KCTD8: variants seen among roughly 807,000 people sequenced by gnomAD.
KCTD8 encodes BTB/POZ domain-containing protein KCTD8.
In KCTD8, 27 loss-of-function variants were observed where a neutral mutation model predicts 31.5. That is an observed-to-expected ratio of 0.86 (90% CI 0.63 to 1.18). The LOEUF is 1.18. Among genes scored for constraint, KCTD8 ranks in the 50% most tolerant of loss-of-function variants. The pLI is 0.00. For synonymous variants in KCTD8, 290 were observed against 280.0 expected, an observed-to-expected ratio of 1.04 and a Z score of -0.36; for missense variants, 658 against 647.7, an observed-to-expected ratio of 1.02 and a Z score of -0.17.
intron 1 of KCTD8, among the ~76,000 whole-genome samples, chr4:44,381,723 T>C (rs1421714402): frequency 1.3e-5 from 2 of 151,362 alleles, no homozygotes; most frequent in Non-Finnish European, 3.0e-5. Flanking sequence ...GAGTTCTCAC[T>C]CTGAGATCTG....
intron 1 of KCTD8, among the ~76,000 whole-genome samples, chr4:44,290,525 C>A (rs1000736866): frequency 6.6e-6 from 1 of 152,164 alleles, no homozygotes; most frequent in African/African-American, 2.4e-5. Context: ...CTCATCTGCA[C>A]CCAGAACATG....
intron 1 of KCTD8, among the ~76,000 whole-genome samples, chr4:44,411,162 A>T (rs1350490233): frequency 6.6e-6 from 1 of 152,062 alleles, no homozygotes; most frequent in Non-Finnish European, 1.5e-5. Context: ...AAACTTAGAG[A>T]AACACTTGGA....
intron 1 of KCTD8, among the ~76,000 whole-genome samples, chr4:44,385,710 CA>C (rs1409691630): frequency 6.6e-6 from 1 of 151,524 alleles, no homozygotes; most frequent in Non-Finnish European, 1.5e-5. Context: ...ATTATTATAT[CA>C]AAGTTAAATA....
At chr4:44,420,041 T>C (rs1185839013) in intron 1 of KCTD8, among the ~76,000 whole-genome samples, 24 of 151,434 alleles carry the variant, frequency 1.6e-4, no homozygotes, top group Admixed American at 1.6e-3. Context: ...CCAAGACATC[T>C]CAGAAAACAA....
intron 1 of KCTD8, among the ~76,000 whole-genome samples, chr4:44,191,328 CAT>C (rs1315903504): frequency 2.6e-5 from 4 of 152,134 alleles, no homozygotes; most frequent in South Asian, 2.1e-4. Flanking sequence ...GATTGTAAAA[CAT>C]GTGTGTTTGA....
chr4:44,339,831 T>C (rs1156514371), intron 1 of KCTD8, among the ~76,000 whole-genome samples: 2 of 152,154 alleles, frequency 1.3e-5, no homozygotes, highest in African/African-American at 4.8e-5. Context: ...AAAAATATAT[T>C]TCAGATAATT....
intron 1 of KCTD8, among the ~76,000 whole-genome samples, chr4:44,409,573 A>C (rs576504650): frequency 1.3e-5 from 2 of 152,280 alleles, no homozygotes; most frequent in East Asian, 3.9e-4. Flanking sequence ...GGAGCTTGGG[A>C]GATACCTGTG....
intron 1 of KCTD8, among the ~76,000 whole-genome samples, chr4:44,213,322 T>C (rs1189487027): frequency 6.6e-6 from 1 of 152,200 alleles, no homozygotes; most frequent in African/African-American, 2.4e-5. Flanking sequence ...ACAAAGTTTG[T>C]TTTTATTCTT....
At chr4:44,417,528 A>G (rs1253417302) in intron 1 of KCTD8, among the ~76,000 whole-genome samples, 1 of 25,714 alleles carries the variant, frequency 3.9e-5, no homozygotes, top group Non-Finnish European at 9.9e-5. Context: ...TTATACAACT[A>G]TTTAAAGAAA....
intron 1 of KCTD8, among the ~76,000 whole-genome samples, chr4:44,265,971 A>G (rs1401327327): frequency 2.0e-5 from 3 of 152,216 alleles, no homozygotes; most frequent in Admixed American, 6.5e-5. Flanking sequence ...AACACTCTGC[A>G]GGATATTATC....
chr4:44,406,954 T>C (rs1461017340), intron 1 of KCTD8, among the ~76,000 whole-genome samples: 1 of 152,236 alleles, frequency 6.6e-6, no homozygotes, highest in Non-Finnish European at 1.5e-5. Context: ...AAATCTTGAA[T>C]GCTAAATGCA....
chr4:44,376,222 T>C (rs1176918014), intron 1 of KCTD8, among the ~76,000 whole-genome samples: 1 of 152,124 alleles, frequency 6.6e-6, no homozygotes, highest in Admixed American at 6.6e-5. Flanking sequence ...CAACCTTCAT[T>C]CCTGAGTTAA....
At chr4:44,192,333 T>C (rs540288035) in intron 1 of KCTD8, among the ~76,000 whole-genome samples, 1 of 152,262 alleles carries the variant, frequency 6.6e-6, no homozygotes, top group East Asian at 1.9e-4. Context: ...CAGGGTCATG[T>C]GCCCACATTC....
intron 1 of KCTD8, among the ~76,000 whole-genome samples, chr4:44,301,188 T>G (rs1717608624): frequency 6.6e-6 from 1 of 152,184 alleles, no homozygotes; most frequent in Non-Finnish European, 1.5e-5. Context: ...TGTGTGCATG[T>G]GTCTTTATAG....
intron 1 of KCTD8, among the ~76,000 whole-genome samples, chr4:44,303,586 C>T (rs1183428247): frequency 6.6e-6 from 1 of 151,988 alleles, no homozygotes; most frequent in Non-Finnish European, 1.5e-5. Flanking sequence ...GAGGCTGAGG[C>T]AGGTGGATTG....
chr4:44,427,736 T>C lies in KCTD8; in HGVS notation c.961+19827A>G, dbSNP rs1388125703. Among the ~76,000 whole-genome samples the C allele has an allele frequency of 4.0e-5, 6 of 151,560 alleles. No individual in the cohort carries two copies. The South Asian group carries it at 1.0e-3, about 26-fold the overall frequency. On this transcript the variant is annotated intron_variant, in intron 1 of 1. Coordinates refer to ENST00000360029, the MANE Select transcript of KCTD8 (RefSeq NM_198353.3). Reference sequence around the variant, plus strand: ...AAACAAAGTAGAGAGACTCAGAAATTCTCCAAAGCATTCAAGAGAACTTAA... The same window carrying C: ...AAACAAAGTAGAGAGACTCAGAAATCCTCCAAAGCATTCAAGAGAACTTAA...
chr4:44,291,022 G>T (rs1286016720), intron 1 of KCTD8, among the ~76,000 whole-genome samples: 1 of 152,044 alleles, frequency 6.6e-6, no homozygotes, highest in African/African-American at 2.4e-5. Flanking sequence ...ATGAAACCTA[G>T]AGTTGGTTTT....
chr4:44,326,167 AT>A (rs753378290), intron 1 of KCTD8, among the ~76,000 whole-genome samples: 18 of 151,816 alleles, frequency 1.2e-4, no homozygotes, highest in Non-Finnish European at 2.4e-4. Flanking sequence ...TGAATCTTCT[AT>A]GTTAAAAGCA....
At chr4:44,294,907 T>A (rs567611795) in intron 1 of KCTD8, among the ~76,000 whole-genome samples, 117 of 152,212 alleles carry the variant, frequency 7.7e-4, no homozygotes, top group African/African-American at 2.7e-3. Flanking sequence ...CTATTGAATT[T>A]TAAGGACAAG....
Sources: gnomAD v4.1 joint callset for allele counts (sites outside exome capture counted in the v4.1 genomes callset) on GRCh38, gnomAD v4.1.1 for gene constraint, MANE v1.5 for transcripts, NCBI Gene and HGNC (gene_info 2026-07-23, HGNC 2026-07-21) for gene names.